Variants in NFATC3 observed in about 807,000 individuals in gnomAD.
The protein encoded by NFATC3 is nuclear factor of activated T cells 3, also known as nuclear factor of activated T-cells, cytoplasmic 3.
A neutral mutation model predicts 98.6 loss-of-function variants in NFATC3; 46 were observed. That is an observed-to-expected ratio of 0.47 (90% confidence interval 0.37 to 0.60). The LOEUF (loss-of-function observed/expected upper bound fraction) is 0.60. Among genes scored for constraint, NFATC3 ranks in the 20% least tolerant of loss-of-function variants. The probability of loss-of-function intolerance (pLI) is 0.00; values close to 1 mark genes in which losing one functional copy is unlikely to be tolerated. For synonymous variants in NFATC3, 512 were observed against 472.2 expected (o/e 1.08, Z -1.09); for missense variants, 1,256 against 1,295.5 (o/e 0.97, Z 0.47).
intron 3 of NFATC3, among the ~76,000 whole-genome samples, chr16:68,134,625 T>C (rs566818365): frequency 3.9e-5 from 6 of 152,322 alleles, no homozygotes; most frequent in Admixed American, 1.3e-4. Context: ...ATGGAGGACA[T>C]CCTTGTCTTT....
At chr16:68,119,072 T>C (rs1049329410) in intron 1 of NFATC3, among the ~76,000 whole-genome samples, 2 of 152,142 alleles carry the variant, frequency 1.3e-5, no homozygotes, top group African/African-American at 2.4e-5. Context: ...TTTCACCGTG[T>C]TAGCCAGCAT....
chr16:68,207,309 TC>T (rs200667566), intron 9 of NFATC3, among the ~76,000 whole-genome samples: 4,278 of 142,226 alleles, frequency 0.03, 174 homozygotes, highest in African/African-American at 0.1. Context: ...AAACTCCATC[TC>T]AAAAAAAAAA....
intron 3 of NFATC3, among the ~76,000 whole-genome samples, chr16:68,146,133 C>T (rs753612838): frequency 1.2e-4 from 19 of 152,052 alleles, no homozygotes; most frequent in Non-Finnish European, 2.4e-4. Flanking sequence ...TTCCAGTGAG[C>T]ATTTACTTTG....
chr16:68,186,667 G>A (rs543377635), intron 8 of NFATC3, among the ~76,000 whole-genome samples: 13 of 152,298 alleles, frequency 8.5e-5, no homozygotes, highest in Admixed American at 4.6e-4. Flanking sequence ...AAATGGAAAT[G>A]GGACTAGCCC....
At chr16:68,155,819 C>G (rs1036376892) in intron 3 of NFATC3, among the ~76,000 whole-genome samples, 1 of 152,148 alleles carries the variant, frequency 6.6e-6, no homozygotes, top group Non-Finnish European at 1.5e-5. Context: ...CAACCATACA[C>G]ACACACACAA....
intron 1 of NFATC3, among the ~76,000 whole-genome samples, chr16:68,113,049 C>T (rs116988148): frequency 0.039 from 5,898 of 152,206 alleles, 125 homozygotes; most frequent in Middle Eastern, 0.15. Flanking sequence ...TTTAGCTCAG[C>T]GAAGTTTGTT....
At chr16:68,093,943 AT>A (rs147899174) in intron 1 of NFATC3, among the ~76,000 whole-genome samples, 5,758 of 152,252 alleles carry the variant, frequency 0.038, 118 homozygotes, top group Middle Eastern at 0.15. Context: ...TACAAATTAC[AT>A]GTGTTCCTGT....
intron 6 of NFATC3, among the ~76,000 whole-genome samples, chr16:68,178,037 G>A (rs903043942): frequency 1.3e-5 from 2 of 151,778 alleles, no homozygotes; most frequent in East Asian, 3.9e-4. Context: ...TTTTTTATAC[G>A]AATTTTTCTG....
At chr16:68,105,726 G>A (rs1431338346) in intron 1 of NFATC3, among the ~76,000 whole-genome samples, 1 of 152,090 alleles carries the variant, frequency 6.6e-6, no homozygotes, top group Non-Finnish European at 1.5e-5. Context: ...ATCTGTTCCT[G>A]GGAGAATTTT....
intron 6 of NFATC3, among the ~76,000 whole-genome samples, chr16:68,177,785 TAAATC>T (rs1407712155): frequency 6.6e-6 from 1 of 152,132 alleles, no homozygotes; most frequent in Non-Finnish European, 1.5e-5. Context: ...CCCTTTCTCT[TAAATC>T]TGTCATCCTC....
intron 5 of NFATC3, among the ~76,000 whole-genome samples, chr16:68,173,038 C>G (rs146402474): frequency 7.0e-4 from 106 of 152,046 alleles, no homozygotes; most frequent in African/African-American, 2.2e-3. Context: ...GGGAGGATCA[C>G]TTGAGCCCAG....
chr16:68,132,537 C>T (rs1000537614), intron 3 of NFATC3, among the ~76,000 whole-genome samples: 1 of 152,164 alleles, frequency 6.6e-6, no homozygotes, highest in Non-Finnish European at 1.5e-5. Flanking sequence ...TCCAGCAGTT[C>T]CACTGTTGGG....
chr16:68,124,334 C>T (rs182449195), intron 2 of NFATC3, among the ~76,000 whole-genome samples: 1 of 151,878 alleles, frequency 6.6e-6, no homozygotes, highest in Non-Finnish European at 1.5e-5. Flanking sequence ...AGGCTGATCT[C>T]ACTCCTGGCC....
chr16:68,196,013 A>G (rs970667290), intron 9 of NFATC3, among the ~76,000 whole-genome samples: 2 of 152,162 alleles, frequency 1.3e-5, no homozygotes, highest in African/African-American at 4.8e-5. Context: ...ATGTGCCACC[A>G]CACCTGACCA....
chr16:68,102,509 A>T (rs1184424576), intron 1 of NFATC3, among the ~76,000 whole-genome samples: 2 of 145,990 alleles, frequency 1.4e-5, no homozygotes, highest in Non-Finnish European at 1.5e-5. Context: ...TCTCCATTTT[A>T]TTCCATTGTT....
chr16:68,191,769 G>A lies in NFATC3; in HGVS notation c.3100G>A (p.Asp1034Asn). 6.2e-7 allele frequency: 1 copy of A among 1,614,158 alleles called. No homozygotes were observed. Among genetic ancestry groups the A allele is most frequent in the South Asian group, 1.1e-5 (1 of 91,088 alleles). Reference protein sequence around the residue: ...ATIGLQDITLDDVNEIIGRDM... With the variant: ...ATIGLQDITLNDVNEIIGRDM... ...CATTGGTCTGCAGGACATCACTTTA[G>A]ATGATGGTAAGTTCATCTCTGATAT... The change falls in exon 9 of 10, where the codon GAT becomes AAT. Residue 1034 changes from aspartate (D) to asparagine (N), a missense_variant. Transcript: ENST00000346183.
intron 6 of NFATC3, among the ~76,000 whole-genome samples, chr16:68,179,953 T>C (rs1050661147): frequency 1.3e-5 from 2 of 152,200 alleles, no homozygotes; most frequent in Admixed American, 6.5e-5. Flanking sequence ...CACATACTTA[T>C]TGTGAGAGTC....
Position 68,085,782 on chromosome 16 carries a change from C to T in NFATC3, c.101C>T (p.Ala34Val). 6.8e-7 allele frequency: 1 copy of T among 1,478,668 alleles called. No homozygotes were observed. 91.6% of individuals were successfully genotyped at this position (1,478,668 alleles called of 1,614,324 possible). A position where few individuals can be genotyped will look rare whatever the true frequency, so the allele number is the denominator to read the frequency against. ...CCGCCGCCCCCGGGCTCGCGGCCTG[C>T]AGGTGGGTGCCGGGCCAGGCGGGAC... ...PAPPPPGSRPADLEPDDCASI... is the reference protein window; with the variant it reads ...PAPPPPGSRPVDLEPDDCASI... Residue 34 changes from alanine to valine, a missense_variant and splice_region_variant, in exon 1 of 10, where the codon GCA becomes GTA. Physicochemically the swap from Ala to Val is moderately conservative, Grantham distance 64. This residue lies in a region of NFATC3 where 464 missense variants were observed against 465.7 expected (regional missense o/e 1.00). Transcript: ENST00000346183.
At chr16:68,148,866 G>A (rs2038173355) in intron 3 of NFATC3, among the ~76,000 whole-genome samples, 2 of 152,086 alleles carry the variant, frequency 1.3e-5, no homozygotes, top group African/African-American at 2.4e-5. Context: ...AAAATTAGCC[G>A]GGCATGGTGG....
Sources: allele counts gnomAD v4.1 joint callset (sites outside exome capture counted in the v4.1 genomes callset), GRCh38; gene constraint gnomAD v4.1.1; regional missense constraint gnomAD v4.1.1; transcripts MANE v1.5; gene names NCBI Gene and HGNC (gene_info 2026-07-23, HGNC 2026-07-21).